The following PDE4D variants were observed in gnomAD, a reference collection of about 807,000 sequenced individuals.
PDE4D encodes the protein 3',5'-cyclic-AMP phosphodiesterase 4D.
In PDE4D, 24 loss-of-function variants were observed where a neutral mutation model predicts 87.4. The observed-to-expected ratio is 0.27, with a 90% CI of 0.20 to 0.39. The LOEUF (loss-of-function observed/expected upper bound fraction) is 0.39, where lower values mean the gene tolerates loss of function less well. PDE4D is among the 10% of genes least tolerant of loss of function. PDE4D has a pLI of 1.00. For synonymous variants in PDE4D, 384 were observed against 383.2 expected, an observed-to-expected ratio of 1.00 and a Z score of -0.02; for missense variants, 714 against 1,041.0, an observed-to-expected ratio of 0.69 and a Z score of 4.32.
intron 1 of PDE4D, among the ~76,000 whole-genome samples, chr5:60,223,184 T>G (rs1191309934): frequency 6.6e-6 from 1 of 152,144 alleles, no homozygotes; most frequent in East Asian, 1.9e-4. Context: ...TGAGTTAAAT[T>G]AGGAAAATCA....
upstream of PDE4D, among the ~76,000 whole-genome samples, chr5:59,895,102 T>C (rs914753169): frequency 6.6e-6 from 1 of 152,242 alleles, no homozygotes; most frequent in African/African-American, 2.4e-5. Context: ...TTTTCATATG[T>C]ACATTTCAAG....
intron 2 of PDE4D, among the ~76,000 whole-genome samples, chr5:60,105,953 T>C (rs933589718): frequency 6.6e-6 from 1 of 152,190 alleles, no homozygotes; most frequent in Non-Finnish European, 1.5e-5. Flanking sequence ...CATCAACTAA[T>C]GAGCAAAATA....
chr5:59,413,946 A>T (rs1353532409), intron 1 of PDE4D, among the ~76,000 whole-genome samples: 3 of 152,190 alleles, frequency 2.0e-5, no homozygotes, highest in Non-Finnish European at 4.4e-5. Flanking sequence ...ACACACACAT[A>T]TATATATCTG....
chr5:60,135,895 C>T (rs997868281), intron 2 of PDE4D, among the ~76,000 whole-genome samples: 2 of 152,160 alleles, frequency 1.3e-5, no homozygotes, highest in Non-Finnish European at 2.9e-5. Flanking sequence ...TGCTTAACAA[C>T]TCATCCTTTC....
intron 1 of PDE4D, among the ~76,000 whole-genome samples, chr5:60,446,462 G>A (rs758654683): frequency 2.6e-5 from 4 of 152,078 alleles, no homozygotes; most frequent in Non-Finnish European, 5.9e-5. Context: ...ACACTAGTTC[G>A]TTAAATGGGG....
intron 1 of PDE4D, among the ~76,000 whole-genome samples, chr5:59,525,907 C>T (rs554136667): frequency 1.1e-4 from 16 of 152,220 alleles, no homozygotes; most frequent in African/African-American, 3.6e-4. Context: ...TTCCTGAAGC[C>T]TTTCCAGTCA....
At chr5:60,141,052 C>A (rs565201961) in intron 2 of PDE4D, among the ~76,000 whole-genome samples, 1 of 152,006 alleles carries the variant, frequency 6.6e-6, no homozygotes, top group African/African-American at 2.4e-5. Context: ...GCTCTTTTTT[C>A]GTGGAGTTCA....
At chr5:59,388,294 A>C (rs538064582) in intron 1 of PDE4D, among the ~76,000 whole-genome samples, 20 of 152,256 alleles carry the variant, frequency 1.3e-4, no homozygotes, top group African/African-American at 4.8e-4. Flanking sequence ...ATGCAAACTA[A>C]AACCACAATG....
intron 5 of PDE4D, among the ~76,000 whole-genome samples, chr5:59,122,963 AGT>A (rs1774801588): frequency 6.6e-6 from 1 of 152,152 alleles, no homozygotes; most frequent in Non-Finnish European, 1.5e-5. Context: ...GGAGTCAAAG[AGT>A]CCTGTAACAT....
intron 1 of PDE4D, among the ~76,000 whole-genome samples, chr5:59,668,818 A>AGAAGAAGAAGAAGAGGAAGAGGAAGAG (rs1746562593): frequency 1.1e-5 from 1 of 93,734 alleles, no homozygotes; most frequent in Non-Finnish European, 2.0e-5. Flanking sequence ...AAGAAGAAGA[A>AGAAGAAGAAGAAGAGGAAGAGGAAGAG]GAAGAAGAAG....
chr5:60,413,715 ATT>A (rs5868241), intron 1 of PDE4D, among the ~76,000 whole-genome samples: 7 of 144,142 alleles, frequency 4.9e-5, no homozygotes, highest in Non-Finnish European at 3.1e-5. Context: ...TTTTTCGTTT[ATT>A]TTTTTTTTTT....
chr5:59,757,752 T>C (rs939055182), intron 1 of PDE4D, among the ~76,000 whole-genome samples: 1 of 152,196 alleles, frequency 6.6e-6, no homozygotes, highest in African/African-American at 2.4e-5. Flanking sequence ...ACTTTTTTCT[T>C]TCCCTGAATG....
intron 1 of PDE4D, among the ~76,000 whole-genome samples, chr5:59,349,361 G>T (rs1780136793): frequency 6.6e-6 from 1 of 152,066 alleles, no homozygotes; most frequent in Non-Finnish European, 1.5e-5. Context: ...AGAAGCTGAG[G>T]CCTCCAGAAC....
chr5:59,261,887 G>A (rs1352158008), intron 1 of PDE4D, among the ~76,000 whole-genome samples: 1 of 151,708 alleles, frequency 6.6e-6, no homozygotes, highest in Non-Finnish European at 1.5e-5. Context: ...GGATTTCCAG[G>A]CCAGTAAGAA....
intron 2 of PDE4D, among the ~76,000 whole-genome samples, chr5:60,129,811 G>A (rs1779417133): frequency 6.6e-6 from 1 of 152,098 alleles, no homozygotes; most frequent in South Asian, 2.1e-4. Flanking sequence ...GTGTCATATA[G>A]ATAATCAAAA....
chr5:59,241,474 C>T (rs1020720118), intron 1 of PDE4D, among the ~76,000 whole-genome samples: 3 of 152,162 alleles, frequency 2.0e-5, no homozygotes, highest in Non-Finnish European at 4.4e-5. Flanking sequence ...ATATTCTTTA[C>T]AAAGTTCTAG....
At chr5:59,189,869 GAA>G (rs1251621970) in intron 3 of PDE4D, among the ~76,000 whole-genome samples, 1 of 152,206 alleles carries the variant, frequency 6.6e-6, no homozygotes, top group Non-Finnish European at 1.5e-5. Context: ...ATCAGAGGTG[GAA>G]AAGAGTTTAG....
chr5:59,772,867 G>T (rs1442418939), intron 1 of PDE4D, among the ~76,000 whole-genome samples: 1 of 152,146 alleles, frequency 6.6e-6, no homozygotes, highest in Non-Finnish European at 1.5e-5. Context: ...TTTTAGAAAT[G>T]AAAAGTTTAT....
At chr5:59,804,029 A>G (rs1307233848) in intron 1 of PDE4D, among the ~76,000 whole-genome samples, 2 of 152,012 alleles carry the variant, frequency 1.3e-5, no homozygotes, top group Non-Finnish European at 2.9e-5. Flanking sequence ...ACTTTTATTT[A>G]TTCATTTTCT....
Sources: allele counts gnomAD v4.1 joint callset (sites outside exome capture counted in the v4.1 genomes callset), GRCh38; gene constraint gnomAD v4.1.1; transcripts MANE v1.5; gene names NCBI Gene and HGNC (gene_info 2026-07-23, HGNC 2026-07-21).